The following FOCAD variants were observed in gnomAD, a reference collection of about 807,000 sequenced individuals.
FOCAD encodes focadhesin.
A neutral mutation model predicts 225.6 loss-of-function variants in FOCAD; 198 were observed. The observed-to-expected ratio is 0.88, with a 90% CI of 0.78 to 0.99. The LOEUF (loss-of-function observed/expected upper bound fraction) is 0.99, where lower values mean the gene tolerates loss of function less well. Among genes scored for constraint, FOCAD ranks in the 50% least tolerant of loss-of-function variants. The probability of loss-of-function intolerance (pLI) is 0.00; values close to 1 mark genes in which losing one functional copy is unlikely to be tolerated. For missense variants in FOCAD, 2,713 were observed against 2,123.6 expected (o/e 1.28, Z -5.46); for synonymous variants, 897 against 755.0 (o/e 1.19, Z -3.08).
Position 20,874,719 on chromosome 9 carries a change from C to A in FOCAD, c.2229C>A (p.Asp743Glu). The A allele has an allele frequency of 6.2e-7, 1 of 1,613,372 alleles. No individual in the cohort carries two copies. The highest frequency in any genetic ancestry group is 1.1e-5 in the South Asian group (1 of 91,050). The change falls in exon 19 of 44, where the codon GAC becomes GAA. Residue 743 changes from aspartate to glutamate, a missense_variant. Asp to Glu is a conservative substitution (Grantham distance 45, BLOSUM62 2). Transcript: ENST00000338382. ...TTCCCATTCCTGAAGAGTTAGATGACGATGAAGATGTTGAGGATGTGGATC... is the reference window on the plus strand; with the variant it reads ...TTCCCATTCCTGAAGAGTTAGATGAAGATGAAGATGTTGAGGATGTGGATC... ...PEIPIPEELD[D>E]DEDVEDVDLS... is the part of the protein sequence containing the mutation.
intron 11 of FOCAD, among the ~76,000 whole-genome samples, chr9:20,795,774 ACT>A: frequency 1.0e-5 from 1 of 96,188 alleles, no homozygotes; most frequent in Non-Finnish European, 2.0e-5. Flanking sequence ...ACAGAGCAAG[ACT>A]CTGTCTCGAA....
At chr9:20,735,928 A>G (rs1449593057) in intron 4 of FOCAD, among the ~76,000 whole-genome samples, 1 of 152,074 alleles carries the variant, frequency 6.6e-6, no homozygotes, top group African/African-American at 2.4e-5. Context: ...TGTTTTCAGT[A>G]TAGTTACAAG....
intron 21 of FOCAD, among the ~76,000 whole-genome samples, chr9:20,901,191 AATGTGTGTGTGT>A (rs1172045144): frequency 8.3e-5 from 11 of 132,422 alleles, no homozygotes; most frequent in Middle Eastern, 3.9e-3. Context: ...ATGTGGAAAC[AATGTGTGTGTGT>A]GTGTGTGTGT....
intron 31 of FOCAD, 44 bp downstream of exon 31, chr9:20,948,437 A>G (rs750854148): frequency 1.3e-6 from 2 of 1,590,298 alleles, no homozygotes; most frequent in Non-Finnish European, 8.6e-7. Flanking sequence ...TTTATAATGG[A>G]AAAAGAACTA....
At chr9:20,715,980 T>C (rs183992773) in intron 2 of FOCAD, 11 of 249,300 alleles carry the variant, frequency 4.4e-5, no homozygotes, top group Admixed American at 3.7e-4. Context: ...GGTATCATAA[T>C]AGCTTATTGT....
chr9:20,817,959 T>C (rs185166505), intron 11 of FOCAD, among the ~76,000 whole-genome samples: 44 of 152,304 alleles, frequency 2.9e-4, no homozygotes, highest in Non-Finnish European at 4.1e-4. Context: ...AAGAAATTGA[T>C]AGAATGTTTT....
intron 4 of FOCAD, among the ~76,000 whole-genome samples, chr9:20,729,267 A>G (rs916787287): frequency 6.6e-6 from 1 of 152,124 alleles, no homozygotes; most frequent in Non-Finnish European, 1.5e-5. Context: ...ATGCCTTTCT[A>G]CTAGCTTCTG....
At chr9:20,856,500 A>G (rs1362175079) in intron 15 of FOCAD, among the ~76,000 whole-genome samples, 1 of 151,574 alleles carries the variant, frequency 6.6e-6, no homozygotes, top group African/African-American at 2.4e-5. Flanking sequence ...TTCCTTGTCA[A>G]ATTTATAGTT....
intron 15 of FOCAD, among the ~76,000 whole-genome samples, chr9:20,856,380 A>G (rs1310400275): frequency 2.0e-5 from 3 of 151,778 alleles, no homozygotes; most frequent in South Asian, 2.1e-4. Context: ...CTAACCATTC[A>G]TGTCTTCTAT....
chr9:20,826,734 C>G (rs891630073), intron 15 of FOCAD, among the ~76,000 whole-genome samples: 8 of 152,070 alleles, frequency 5.3e-5, no homozygotes, highest in African/African-American at 1.7e-4. Flanking sequence ...TAATACATGG[C>G]TCACAAAAGT....
At chr9:20,685,655 C>G (rs1822619284) in intron 1 of FOCAD, among the ~76,000 whole-genome samples, 1 of 152,068 alleles carries the variant, frequency 6.6e-6, no homozygotes, top group Non-Finnish European at 1.5e-5. Flanking sequence ...AGCATTTTCA[C>G]TTGCTTTTAT....
chr9:20,870,348 C>A (rs1318777375), intron 18 of FOCAD, among the ~76,000 whole-genome samples: 20 of 152,122 alleles, frequency 1.3e-4, no homozygotes. Context: ...AAATAAAATT[C>A]TCTGTTTATG....
At chr9:20,853,008 G>A (rs1037310029) in intron 15 of FOCAD, among the ~76,000 whole-genome samples, 2 of 151,596 alleles carry the variant, frequency 1.3e-5, no homozygotes, top group East Asian at 3.9e-4. Context: ...AATTTCCTCT[G>A]ATTATTGTGG....
At chr9:20,825,937 C>G (rs1205794414) in intron 15 of FOCAD, among the ~76,000 whole-genome samples, 6 of 152,016 alleles carry the variant, frequency 3.9e-5, no homozygotes, top group Admixed American at 1.3e-4. Context: ...GGAATCTTGG[C>G]TGACCATAAA....
intron 2 of FOCAD, 25 bp from the exon 3 acceptor site, chr9:20,717,769 T>C: frequency 1.9e-6 from 3 of 1,573,758 alleles, no homozygotes; most frequent in Non-Finnish European, 2.6e-6. Context: ...AGGGACTGTG[T>C]TCATTAATTT....
At chr9:20,736,369 A>G (rs1317909711) in intron 4 of FOCAD, among the ~76,000 whole-genome samples, 1 of 152,132 alleles carries the variant, frequency 6.6e-6, no homozygotes, top group Non-Finnish European at 1.5e-5. Flanking sequence ...TTTTCTTCTA[A>G]TTCACTATTT....
chr9:20,710,567 G>A (rs1270682984), intron 1 of FOCAD, among the ~76,000 whole-genome samples: 1 of 151,160 alleles, frequency 6.6e-6, no homozygotes, highest in African/African-American at 2.4e-5. Flanking sequence ...TTTCACTCTA[G>A]CCTGGGCAAC....
At chr9:20,948,993 T>G in intron 32 of FOCAD, 65 bp downstream of exon 32, 6 of 1,434,638 alleles carry the variant, frequency 4.2e-6, no homozygotes, top group Non-Finnish European at 4.9e-6. Flanking sequence ...GGGAGAAGAA[T>G]ACCCAGTGTT....
chr9:20,715,423 GT>G lies in FOCAD; in HGVS notation c.57+16del. On this transcript the variant is annotated intron_variant, in intron 2 of 43. Transcript: ENST00000338382. ...TATCCAATCACAGGTAATTTTGTTTGTTTATTTTTGCTCATGGTAACAAATA... is the reference window on the plus strand; with the variant it reads ...TATCCAATCACAGGTAATTTTGTTTGTTATTTTTGCTCATGGTAACAAATA... 6.8e-7 allele frequency: 1 copy of G among 1,480,010 alleles called. No homozygotes were observed. Among genetic ancestry groups the G allele is most frequent in the Non-Finnish European group, 9.1e-7 (1 of 1,103,010 alleles). 91.7% of individuals were successfully genotyped at this position (1,480,010 alleles called of 1,614,324 possible). A position where few individuals can be genotyped will look rare whatever the true frequency, so the allele number is the denominator to read the frequency against.
Sources: gnomAD v4.1 joint callset for allele counts (sites outside exome capture counted in the v4.1 genomes callset) on GRCh38, gnomAD v4.1.1 for gene constraint, MANE v1.5 for transcripts, NCBI Gene and HGNC (gene_info 2026-07-23, HGNC 2026-07-21) for gene names.